ANO6: variants seen among roughly 807,000 people sequenced by gnomAD.
The protein encoded by ANO6 is anoctamin 6, also known as anoctamin-6.
A neutral mutation model predicts 117.5 loss-of-function variants in ANO6; 106 were observed. The observed-to-expected ratio is 0.90, with a 90% CI of 0.77 to 1.06. ANO6 has a LOEUF of 1.06. ANO6 is among the 50% of genes least tolerant of loss of function. The pLI is 0.00. For synonymous variants in ANO6, 367 were observed against 385.1 expected, an observed-to-expected ratio of 0.95 and a Z score of 0.55; for missense variants, 955 against 1,121.1, an observed-to-expected ratio of 0.85 and a Z score of 2.12.
In ANO6 at chr12:45,431,881, A is replaced by G. The variant is rs945837159; in HGVS notation, c.*2570A>G. The G allele has an allele frequency of 2.0e-6, 2 of 985,332 alleles. No homozygotes were observed. Among genetic ancestry groups the G allele is most frequent in the Non-Finnish European group, 2.4e-6 (2 of 829,946 alleles). 61.0% of individuals were successfully genotyped at this position (985,332 alleles called of 1,614,324 possible). On this transcript the variant is annotated 3_prime_UTR_variant, in exon 20 of 20. Coordinates refer to ENST00000320560, the MANE Select transcript of ANO6 (RefSeq NM_001025356.3). Reference sequence around the variant, plus strand: ...TCCTTTTTTAATGCCTGTGAATTTTAGCATATTGAAACATTAGAGCAAATA... The same window carrying G: ...TCCTTTTTTAATGCCTGTGAATTTTGGCATATTGAAACATTAGAGCAAATA...
chr12:45,432,206 T>C lies in ANO6; in HGVS notation c.*2895T>C. The C allele has an allele frequency of 1.0e-6, 1 of 983,946 alleles. No individual in the cohort carries two copies. Among genetic ancestry groups the C allele is most frequent in the South Asian group, 4.7e-5 (1 of 21,176 alleles). The allele number at this position is 983,946 out of a possible 1,614,324, so 61.0% of individuals were successfully genotyped here. ...AACTATTCATGATGCTTTTCACACA[T>C]TGTGGCATAAGATGTAAAGTTTGTA... is the stretch of plus-strand genomic sequence containing the variant. On this transcript the variant is annotated 3_prime_UTR_variant, in exon 20 of 20. Transcript: ENST00000320560.
In ANO6 at chr12:45,403,495, A is replaced by G. The variant is rs1316040804; in HGVS notation, c.1839A>G (p.Gly613=). 1 of 1,613,894 alleles carries G rather than the reference A, an allele frequency of 6.2e-7. No individual in the cohort carries two copies. The highest frequency in any genetic ancestry group is 8.5e-7 in the Non-Finnish European group (1 of 1,179,800). Residue 613 remains glycine (G), a synonymous_variant, in exon 15 of 20, where the codon GGA becomes GGG. Transcript: ENST00000320560. ...ELTTQLTIIM[G]GKAIWNNIQE... ...CAACTCAGCTGACAATAATCATGGG[A>G]GGAAAAGCAATCTGGAATAACATAC...
In ANO6 at chr12:45,403,616, GCCA is replaced by G. The variant is rs559674842; in HGVS notation, c.1880+82_1880+84del. On this transcript the variant is annotated intron_variant, in intron 15 of 19. Coordinates refer to ENST00000320560, the MANE Select transcript of ANO6 (RefSeq NM_001025356.3). ...TCCACACAAATCATTTGCCTACATA[GCCA>G]CATAGCCACATAGCTGCATGTCCAC... 0.01 allele frequency: 8,736 copies of G among 851,378 alleles called. 461 individuals carry two copies. In the African/African-American group the frequency reaches 0.15, roughly 15 times the overall value. The allele number at this position is 851,378 out of a possible 1,614,324, so 52.7% of individuals were successfully genotyped here. A position where few individuals can be genotyped will look rare whatever the true frequency, so the allele number is the denominator to read the frequency against.
At chr12:45,347,937 A>T (rs1382268307) in intron 4 of ANO6, 91 bp from the exon 5 acceptor site, 2 of 1,279,106 alleles carry the variant, frequency 1.6e-6, no homozygotes, top group Non-Finnish European at 2.2e-6. Flanking sequence ...TTGTTTTTTT[A>T]AAGCTACCAA....
In ANO6 at chr12:45,367,093, T is replaced by G. The variant is rs1044844773; in HGVS notation, c.999-595T>G. On this transcript the variant is annotated intron_variant, in intron 8 of 19. Transcript: ENST00000320560. ...ACCTCCCGGGTTCAAGCAATTCTCC[T>G]GCCTCAGCTTCTCGAGTAGCTGGGA... 5.9e-5 allele frequency among the ~76,000 whole-genome samples: 9 copies of G among 152,208 alleles called. No homozygotes were observed. The East Asian group carries it at 1.7e-3, about 29-fold the overall frequency.
rs752296882 is a variant in ANO6 at position 45,388,170 on chromosome 12, T to A, written c.1175T>A (p.Phe392Tyr). The A allele has an allele frequency of 1.2e-6, 2 of 1,613,904 alleles. No individual in the cohort carries two copies. Among genetic ancestry groups the A allele is most frequent in the Non-Finnish European group, 1.7e-6 (2 of 1,179,846 alleles). Residue 392 changes from phenylalanine to tyrosine, a missense_variant, in exon 11 of 20, where the codon TTT becomes TAT. By Grantham distance (22) the Phe-to-Tyr change is conservative. Coordinates refer to ENST00000320560, the MANE Select transcript of ANO6 (RefSeq NM_001025356.3). ...AVFMGVWVTL[F>Y]LEFWKRRQAE... ...TCTGTCTCTCTGTTAGTTACCTTGT[T>A]TTTGGAGTTTTGGAAGCGACGCCAG...
chr12:45,343,963 C>T (rs1941053895), intron 3 of ANO6, among the ~76,000 whole-genome samples: 1 of 152,080 alleles, frequency 6.6e-6, no homozygotes, highest in Admixed American at 6.5e-5. Context: ...GTCTGGTTGG[C>T]GGGGCCTAGC....
At chr12:45,356,113 G>T (rs1253713030) in intron 7 of ANO6, among the ~76,000 whole-genome samples, 1 of 152,118 alleles carries the variant, frequency 6.6e-6, no homozygotes, top group Non-Finnish European at 1.5e-5. Context: ...ACTGCTTCTT[G>T]GTCAGCCTGC....
intron 1 of ANO6, among the ~76,000 whole-genome samples, chr12:45,260,231 A>G (rs545652131): frequency 2.6e-5 from 4 of 152,370 alleles, no homozygotes; most frequent in Admixed American, 2.6e-4. Flanking sequence ...AGCCTGTACA[A>G]AGGTAACCTT....
intron 3 of ANO6, among the ~76,000 whole-genome samples, chr12:45,333,212 T>G (rs1019577949): frequency 2.6e-5 from 4 of 152,066 alleles, no homozygotes; most frequent in African/African-American, 9.7e-5. Context: ...TTTTAATTCT[T>G]GTATCTTCCC....
At chr12:45,270,242 G>A (rs780748764) in intron 1 of ANO6, among the ~76,000 whole-genome samples, 8 of 152,206 alleles carry the variant, frequency 5.3e-5, no homozygotes, top group Non-Finnish European at 8.8e-5. Flanking sequence ...AAGGTGCTCA[G>A]GTGATTTTGA....
chr12:45,428,913 A>C (rs939800088), intron 19 of ANO6, among the ~76,000 whole-genome samples, 192 bp from the exon 20 acceptor site: 4 of 152,210 alleles, frequency 2.6e-5, no homozygotes, highest in African/African-American at 9.6e-5. Context: ...GTATTATTTA[A>C]ATGTGTAAAG....
intron 1 of ANO6, among the ~76,000 whole-genome samples, chr12:45,260,792 A>T (rs550140901): frequency 1.5e-4 from 22 of 150,710 alleles, no homozygotes; most frequent in East Asian, 3.9e-4. Context: ...ATTTTTATTT[A>T]TTTTTTTTTA....
chr12:45,363,327 G>A (rs1456684355), intron 8 of ANO6, among the ~76,000 whole-genome samples: 3 of 152,130 alleles, frequency 2.0e-5, no homozygotes, highest in Non-Finnish European at 4.4e-5. Flanking sequence ...ACTTTTGGGA[G>A]GCTGAGGGTG....
intron 1 of ANO6, among the ~76,000 whole-genome samples, chr12:45,297,958 AC>A (rs531962428): frequency 1.3e-5 from 2 of 152,164 alleles, no homozygotes; most frequent in Non-Finnish European, 2.9e-5. Flanking sequence ...AGAAAACGGA[AC>A]CTTGTCTGGT....
chr12:45,398,578 T>G (rs1942693710), intron 12 of ANO6, among the ~76,000 whole-genome samples: 1 of 152,212 alleles, frequency 6.6e-6, no homozygotes, highest in African/African-American at 2.4e-5. Context: ...TTTTTTCACA[T>G]ACTTATCACA....
At chr12:45,337,854 A>G (rs1246366879) in intron 3 of ANO6, among the ~76,000 whole-genome samples, 6 of 152,090 alleles carry the variant, frequency 3.9e-5, no homozygotes, top group African/African-American at 1.4e-4. Flanking sequence ...CTTCCATTAT[A>G]TATGCATATT....
In ANO6 at chr12:45,430,209, T is replaced by C; in HGVS notation, c.*898T>C. 4 of 985,422 alleles carry C rather than the reference T, an allele frequency of 4.1e-6. No homozygotes were observed. The highest frequency in any genetic ancestry group is 4.8e-6 in the Non-Finnish European group (4 of 829,918). 61.0% of individuals were successfully genotyped at this position (985,422 alleles called of 1,614,324 possible). A position where few individuals can be genotyped will look rare whatever the true frequency, so the allele number is the denominator to read the frequency against. ...AATTACATTTTTATCAACATAATTGTCTGGAAAAGATAAGCCCCTCAATTT... is the reference window on the plus strand; with the variant it reads ...AATTACATTTTTATCAACATAATTGCCTGGAAAAGATAAGCCCCTCAATTT... On this transcript the variant is annotated 3_prime_UTR_variant, in exon 20 of 20. Coordinates refer to ENST00000320560, the MANE Select transcript of ANO6 (RefSeq NM_001025356.3).
chr12:45,219,731 T>C (rs1416093873), intron 1 of ANO6, among the ~76,000 whole-genome samples: 1 of 152,192 alleles, frequency 6.6e-6, no homozygotes, highest in Non-Finnish European at 1.5e-5. Flanking sequence ...ATGGATGTCT[T>C]TTCCTTGTTT....
Sources: gnomAD v4.1 joint callset for allele counts (sites outside exome capture counted in the v4.1 genomes callset) on GRCh38, gnomAD v4.1.1 for gene constraint, MANE v1.5 for transcripts, NCBI Gene and HGNC (gene_info 2026-07-23, HGNC 2026-07-21) for gene names.